KCNJ6: variants seen among roughly 807,000 people sequenced by gnomAD.
KCNJ6 encodes potassium inwardly rectifying channel subfamily J member 6.
In KCNJ6, 9 loss-of-function variants were observed where a neutral mutation model predicts 34.2. The observed-to-expected ratio is 0.26, with a 90% confidence interval of 0.16 to 0.46. KCNJ6 has a LOEUF of 0.46. Ranked by LOEUF, KCNJ6 falls within the 20% of genes least tolerant of loss-of-function variation. The pLI is 1.00. For synonymous variants in KCNJ6, 196 were observed against 207.1 expected (o/e 0.95, Z 0.46); for missense variants, 236 against 531.3 (o/e 0.44, Z 5.46).
At chr21:37,749,656 CAAGGAG>C (rs2123482118) in intron 2 of KCNJ6, among the ~76,000 whole-genome samples, 1 of 152,256 alleles carries the variant, frequency 6.6e-6, no homozygotes. Context: ...AAAATTTTAG[CAAGGAG>C]CTAGGAAAGT....
intron 3 of KCNJ6, among the ~76,000 whole-genome samples, chr21:37,698,804 C>T (rs1186582933): frequency 4.0e-5 from 6 of 151,418 alleles, no homozygotes; most frequent in Admixed American, 2.0e-4. Flanking sequence ...TCAAATGATT[C>T]TCATGCCTCA....
chr21:37,764,656 G>A (rs2055082335), intron 2 of KCNJ6, among the ~76,000 whole-genome samples: 1 of 152,206 alleles, frequency 6.6e-6, no homozygotes, highest in South Asian at 2.1e-4. Context: ...GGGATTACAG[G>A]TGTAAGCCAC....
At chr21:37,642,993 T>C (rs1322734450) in intron 3 of KCNJ6, among the ~76,000 whole-genome samples, 3 of 152,198 alleles carry the variant, frequency 2.0e-5, no homozygotes, top group Admixed American at 2.0e-4. Flanking sequence ...ATGGACTTTA[T>C]GATTCTAGTA....
Position 37,624,747 on chromosome 21 carries a change from C to T in KCNJ6, c.*412G>A, listed in dbSNP as rs2054303104. On this transcript the variant is annotated 3_prime_UTR_variant, in exon 4 of 4. Coordinates refer to ENST00000609713, the MANE Select transcript of KCNJ6 (RefSeq NM_002240.5). Reference sequence around the variant, plus strand: ...GAATTGGGATCCATAAAACTGAGGGCTCCACTCTGTGTCTCACTGAATGAA... The same window carrying T: ...GAATTGGGATCCATAAAACTGAGGGTTCCACTCTGTGTCTCACTGAATGAA... 1.6e-5 allele frequency: 3 copies of T among 186,672 alleles called. No individual in the cohort carries two copies. The South Asian group carries it at 3.7e-4, about 23-fold the overall frequency. 11.6% of individuals were successfully genotyped at this position (186,672 alleles called of 1,614,324 possible). A position where few individuals can be genotyped will look rare whatever the true frequency, so the allele number is the denominator to read the frequency against.
chr21:37,707,883 A>G (rs997838825), intron 3 of KCNJ6, among the ~76,000 whole-genome samples: 1 of 151,870 alleles, frequency 6.6e-6, no homozygotes, highest in Non-Finnish European at 1.5e-5. Context: ...GGATATGCTA[A>G]TTAGAGACTT....
intron 2 of KCNJ6, among the ~76,000 whole-genome samples, chr21:37,839,607 T>C (rs2055468821): frequency 6.6e-6 from 1 of 152,202 alleles, no homozygotes; most frequent in Admixed American, 6.5e-5. Context: ...AAGGTGTTCA[T>C]GGAGAAGTGT....
At chr21:37,805,693 C>T (rs1038007002) in intron 2 of KCNJ6, among the ~76,000 whole-genome samples, 1 of 152,112 alleles carries the variant, frequency 6.6e-6, no homozygotes, top group Admixed American at 6.5e-5. Context: ...GTGTCTTAAT[C>T]CAATGACTGG....
In KCNJ6 at chr21:37,627,845, C is replaced by T. The variant is rs1036873117; in HGVS notation, c.947-2361G>A. Among the ~76,000 whole-genome samples, 51 of 152,288 alleles carry T rather than the reference C, an allele frequency of 3.3e-4. 1 individual carries two copies. Among genetic ancestry groups the T allele is most frequent in the Non-Finnish European group, 6.5e-4 (44 of 68,022 alleles). On this transcript the variant is annotated intron_variant, in intron 3 of 3. Transcript: ENST00000609713. ...AGTGCCTGACTGAATGTTGAAGGCACGTCCCACCATGTGCATAGAGACCCT... is the reference window on the plus strand; with the variant it reads ...AGTGCCTGACTGAATGTTGAAGGCATGTCCCACCATGTGCATAGAGACCCT...
chr21:37,751,029 A>G (rs2054992658), intron 2 of KCNJ6, among the ~76,000 whole-genome samples: 1 of 152,266 alleles, frequency 6.6e-6, no homozygotes, highest in Admixed American at 6.5e-5. Context: ...CTCTGAAATG[A>G]GAGAATCTCA....
chr21:37,723,141 A>G (rs2054835304), intron 2 of KCNJ6, among the ~76,000 whole-genome samples: 1 of 152,262 alleles, frequency 6.6e-6, no homozygotes, highest in Non-Finnish European at 1.5e-5. Context: ...TCTCAAAAGA[A>G]GACATACAAG....
At chr21:37,823,858 A>G (rs1419607960) in intron 2 of KCNJ6, among the ~76,000 whole-genome samples, 2 of 14,844 alleles carry the variant, frequency 1.3e-4, no homozygotes, top group African/African-American at 4.5e-4. Context: ...AAAGAACACA[A>G]AGTTTCAGTC....
intron 3 of KCNJ6, among the ~76,000 whole-genome samples, chr21:37,691,306 G>A (rs1288086023): frequency 6.6e-6 from 1 of 152,178 alleles, no homozygotes; most frequent in Non-Finnish European, 1.5e-5. Context: ...TTCCCACAGG[G>A]TCTTCATTTA....
intron 2 of KCNJ6, among the ~76,000 whole-genome samples, chr21:37,787,816 A>G (rs757666564): frequency 6.6e-5 from 10 of 152,230 alleles, no homozygotes; most frequent in Non-Finnish European, 1.2e-4. Context: ...AGAAATATTA[A>G]TTAAAGTTAC....
chr21:37,675,659 G>T lies in KCNJ6; in HGVS notation c.946+38552C>A, dbSNP rs2054561692. 6.6e-6 allele frequency among the ~76,000 whole-genome samples: 1 copy of T among 152,252 alleles called. No homozygotes were observed. Among genetic ancestry groups the T allele is most frequent in the African/African-American group, 2.4e-5 (1 of 41,476 alleles). ...ATAAAAGGGCTGACCTCCTGATTCG[G>T]ACTCCGCAGGTAGTCACTAGGGGCT... On this transcript the variant is annotated intron_variant, in intron 3 of 3. Coordinates refer to ENST00000609713, the MANE Select transcript of KCNJ6 (RefSeq NM_002240.5). This position sits in a 1 kb window ranked among gnomAD's most constrained non-coding sequence, Gnocchi z 4.2.
intron 2 of KCNJ6, among the ~76,000 whole-genome samples, chr21:37,837,353 C>T (rs926258315): frequency 9.9e-5 from 15 of 152,216 alleles, no homozygotes; most frequent in Admixed American, 1.3e-4. Context: ...TTAAAATTTG[C>T]TAATGTTAAT....
rs1262530937 is a variant in KCNJ6 at position 37,612,198 on chromosome 21, T to C, written c.*12961A>G. On this transcript the variant is annotated 3_prime_UTR_variant, in exon 4 of 4. Coordinates refer to ENST00000609713, the MANE Select transcript of KCNJ6 (RefSeq NM_002240.5). ...CAAAGTTAATATACAAAGTCAATTG[T>C]TTTCCTATATACCGGCAATGAATAA... is the stretch of plus-strand genomic sequence containing the variant. 4 of 152,200 alleles carry C rather than the reference T, an allele frequency of 2.6e-5. No individual in the cohort carries two copies. Among genetic ancestry groups the C allele is most frequent in the Non-Finnish European group, 5.9e-5 (4 of 68,028 alleles). 9.4% of individuals were successfully genotyped at this position (152,200 alleles called of 1,614,324 possible). A position where few individuals can be genotyped will look rare whatever the true frequency, so the allele number is the denominator to read the frequency against.
At chr21:37,758,267 T>C (rs1401794436) in intron 2 of KCNJ6, among the ~76,000 whole-genome samples, 1 of 152,186 alleles carries the variant, frequency 6.6e-6, no homozygotes, top group Admixed American at 6.5e-5. Flanking sequence ...TGTAACTTTA[T>C]TATCTTTAGA....
chr21:37,632,657 G>T (rs1302994322), intron 3 of KCNJ6, among the ~76,000 whole-genome samples: 2 of 152,026 alleles, frequency 1.3e-5, no homozygotes, highest in Non-Finnish European at 2.9e-5. Flanking sequence ...AAAATAAATG[G>T]CATTGGGAAC....
At chr21:37,630,158 G>GTGTGTGTGTGTGTGTGTGTGTGTGTGTGT (rs1556010880) in intron 3 of KCNJ6, among the ~76,000 whole-genome samples, 7 of 145,704 alleles carry the variant, frequency 4.8e-5, no homozygotes, top group South Asian at 2.2e-4. Context: ...GTGTGTGTGT[G>GTGTGTGTGTGTGTGTGTGTGTGTGTGTGT]GTGTTTATGT....
Sources: gnomAD v4.1 joint callset for allele counts (sites outside exome capture counted in the v4.1 genomes callset) on GRCh38, gnomAD v4.1.1 for gene constraint, Gnocchi (gnomAD v3.1) non-coding constraint, MANE v1.5 for transcripts, NCBI Gene and HGNC (gene_info 2026-07-23, HGNC 2026-07-21) for gene names.